The following TCFL5 variants were observed in gnomAD, a reference collection of about 807,000 sequenced individuals.
The protein encoded by TCFL5 is transcription factor-like 5 protein.
A neutral mutation model predicts 44.3 loss-of-function variants in TCFL5; 9 were observed. The observed-to-expected ratio is 0.20, with a 90% CI of 0.12 to 0.35. TCFL5 has a LOEUF of 0.35. Among genes scored for constraint, TCFL5 ranks in the 10% least tolerant of loss-of-function variants. The pLI, the probability that TCFL5 is intolerant of heterozygous loss-of-function variation, is 1.00. For synonymous variants in TCFL5, 319 were observed against 271.6 expected (o/e 1.17, Z -1.72); for missense variants, 603 against 613.4 (o/e 0.98, Z 0.18).
At position 62,860,086 on chromosome 20, in the gene TCFL5, A is replaced by C. The variant is rs758497384; in HGVS notation, c.831+39T>G. 3 of 1,566,054 alleles carry C rather than the reference A, an allele frequency of 1.9e-6. No homozygotes were observed. In the Admixed American group the frequency reaches 5.3e-5, roughly 28 times the overall value. ...AAAATAAGTTAAAATTTACCCATTT[A>C]ATACAAAAGAGCAAAGCTTCACAAA... On this transcript the variant is annotated intron_variant, in intron 2 of 5. Transcript: ENST00000335351.
intron 5 of TCFL5, among the ~76,000 whole-genome samples, 156 bp downstream of exon 5, chr20:62,853,860 T>C (rs1229071474): frequency 6.6e-6 from 1 of 152,228 alleles, no homozygotes; most frequent in African/African-American, 2.4e-5. Context: ...TGACAAGTTA[T>C]ATCATTAAAG....
At chr20:62,845,345 A>T (rs2063727361) in intron 5 of TCFL5, 2 of 1,088,530 alleles carry the variant, frequency 1.8e-6, no homozygotes, top group Admixed American at 4.6e-5. Flanking sequence ...CTGGTCTCGA[A>T]CTCCTGACCT....
intron 5 of TCFL5, chr20:62,846,175 A>C: frequency 8.9e-7 from 1 of 1,121,136 alleles, no homozygotes; most frequent in Non-Finnish European, 1.2e-6. Context: ...TAATTTAAAA[A>C]AAAAGAAGGA....
chr20:62,859,035 T>C (rs1437970421), intron 3 of TCFL5, among the ~76,000 whole-genome samples: 1 of 152,216 alleles, frequency 6.6e-6, no homozygotes, highest in African/African-American at 2.4e-5. Flanking sequence ...TCATCGAGTA[T>C]AACATAAGGA....
intron 2 of TCFL5, among the ~76,000 whole-genome samples, chr20:62,859,738 T>TTG (rs2063959639): frequency 6.6e-6 from 1 of 151,380 alleles, no homozygotes; most frequent in Non-Finnish European, 1.5e-5. Flanking sequence ...TTTTTTTTTT[T>TTG]GAGACAGGCT....
chr20:62,846,036 G>A, intron 5 of TCFL5: 1 of 1,355,568 alleles, frequency 7.4e-7, no homozygotes, highest in South Asian at 1.2e-5. Flanking sequence ...TAGGCGTGTT[G>A]TGGATTCTTT....
At chr20:62,853,406 G>A (rs1242721851) in intron 5 of TCFL5, among the ~76,000 whole-genome samples, 1 of 152,016 alleles carries the variant, frequency 6.6e-6, no homozygotes, top group Non-Finnish European at 1.5e-5. Flanking sequence ...GAGTGCAGTG[G>A]TATGATCTCA....
Position 62,841,189 on chromosome 20 carries a change from AACTC to A in TCFL5, c.*782_*785del, listed in dbSNP as rs1192607826. On this transcript the variant is annotated 3_prime_UTR_variant, in exon 6 of 6. Transcript: ENST00000335351. ...GGTCTAGTCTGATGTTTTGTGTACA[AACTC>A]ACATCTCCAATTAACAGTATTTATT... The A allele has an allele frequency of 3.1e-5, 5 of 162,390 alleles. No individual in the cohort carries two copies. The highest frequency in any genetic ancestry group is 1.2e-4 in the Admixed American group (2 of 17,188). The allele number at this position is 162,390 out of a possible 1,614,324, so 10.1% of individuals were successfully genotyped here.
chr20:62,861,416 C>T lies in TCFL5; in HGVS notation c.255G>A (p.Ala85=), dbSNP rs1487272628. 3 of 1,127,196 alleles carry T rather than the reference C, an allele frequency of 2.7e-6. No homozygotes were observed. The highest frequency in any genetic ancestry group is 1.1e-4 in the East Asian group (2 of 18,652). The allele number at this position is 1,127,196 out of a possible 1,614,324, so 69.8% of individuals were successfully genotyped here. Residue 85 remains alanine (A), a synonymous_variant, in exon 1 of 6, where the codon GCG becomes GCA. Coordinates refer to ENST00000335351, the MANE Select transcript of TCFL5 (RefSeq NM_006602.4). This position sits in a 1 kb window ranked among gnomAD's most constrained non-coding sequence, Gnocchi z 4.0. ...TRLNSALLAA[A]GPGAGAGGFA... is the part of the protein sequence containing the mutation. ...AGCCGCCCGCGCCTGCGCCCGGGCC[C>T]GCCGCCGCCAGCAGCGCCGAGTTGA...
chr20:62,849,859 G>A (rs1487135114), intron 5 of TCFL5, among the ~76,000 whole-genome samples: 2 of 152,086 alleles, frequency 1.3e-5, no homozygotes, highest in African/African-American at 4.8e-5. Context: ...GGAGGCTGAG[G>A]CAAGAGGATT....
At chr20:62,855,449 G>C (rs889074239) in intron 4 of TCFL5, among the ~76,000 whole-genome samples, 1 of 152,206 alleles carries the variant, frequency 6.6e-6, no homozygotes, top group Non-Finnish European at 1.5e-5. Context: ...CCCTGCCCCA[G>C]CAAGTTTGAA....
chr20:62,848,563 C>T (rs2063771908), intron 5 of TCFL5, among the ~76,000 whole-genome samples: 1 of 151,980 alleles, frequency 6.6e-6, no homozygotes, highest in Non-Finnish European at 1.5e-5. Context: ...CATGGCGAAA[C>T]ACTGTCTCTA....
At chr20:62,860,837 C>G (rs760944283) in intron 1 of TCFL5, among the ~76,000 whole-genome samples, 187 bp downstream of exon 1, 1 of 152,156 alleles carries the variant, frequency 6.6e-6, no homozygotes, top group African/African-American at 2.4e-5. Context: ...TACCTGCTCC[C>G]CGGGGCCCGC....
Position 62,853,147 on chromosome 20 carries a change from T to C in TCFL5, c.1380+869A>G, listed in dbSNP as rs66956644. ...AGAAGTACAGTCACCCGGTCCACAG[T>C]ATAGTCACCCAGTCCACAAAAGTAT... On this transcript the variant is annotated intron_variant, in intron 5 of 5. Transcript: ENST00000335351. 6.3e-3 allele frequency among the ~76,000 whole-genome samples: 796 copies of C among 127,136 alleles called. 3 individuals are homozygous for C. The highest frequency in any genetic ancestry group is 0.013 in the African/African-American group (401 of 31,572). 83.4% of individuals were successfully genotyped at this position (127,136 alleles called of 152,430 possible). A position where few individuals can be genotyped will look rare whatever the true frequency, so the allele number is the denominator to read the frequency against.
At chr20:62,855,894 C>T (rs2063880932) in intron 4 of TCFL5, among the ~76,000 whole-genome samples, 1 of 152,148 alleles carries the variant, frequency 6.6e-6, no homozygotes, top group African/African-American at 2.4e-5. Flanking sequence ...AACTGGTACA[C>T]AGTACCAGTA....
rs763174006 is a variant in TCFL5, at chr20:62,841,941, C to T, written c.*34G>A. On this transcript the variant is annotated 3_prime_UTR_variant, in exon 6 of 6. Coordinates refer to ENST00000335351, the MANE Select transcript of TCFL5 (RefSeq NM_006602.4). Reference sequence around the variant, plus strand: ...GCGTGCACAGGTCACGAAGGAATGGCTGTTCACCCCCCGAGGATTCCTGTT... The same window carrying T: ...GCGTGCACAGGTCACGAAGGAATGGTTGTTCACCCCCCGAGGATTCCTGTT... The T allele has an allele frequency of 1.2e-6, 2 of 1,612,096 alleles. No individual in the cohort carries two copies. The highest frequency in any genetic ancestry group is 3.3e-5 in the Admixed American group (2 of 59,750).
intron 5 of TCFL5, chr20:62,852,944 T>TATAGTCACCTAGTCCGCAGAAGC: frequency 1.6e-6 from 2 of 1,288,190 alleles, no homozygotes; most frequent in Admixed American, 4.6e-5. Flanking sequence ...TCCGCAGAAG[T>TATAGTCACCTAGTCCGCAGAAGC]ATAGTCACCT....
Position 62,861,185 on chromosome 20 carries a change from C to T in TCFL5, c.486G>A (p.Ala162=), listed in dbSNP as rs1274943099. 4 of 1,034,482 alleles carry T rather than the reference C, an allele frequency of 3.9e-6. No homozygotes were observed. The highest frequency in any genetic ancestry group is 4.6e-6 in the Non-Finnish European group (4 of 866,260). The allele number at this position is 1,034,482 out of a possible 1,614,324, so 64.1% of individuals were successfully genotyped here. A position where few individuals can be genotyped will look rare whatever the true frequency, so the allele number is the denominator to read the frequency against. The change falls in exon 1 of 6, where the codon GCG becomes GCA. Residue 162 remains alanine, a synonymous_variant. Transcript: ENST00000335351. The surrounding 1 kb of genome is among the most constrained non-coding windows in gnomAD (Gnocchi z 4.0). ...GTCCAGCCGCAGCCGCAGCCGCGCC[C>T]GCGCCCTCCTTGGCGGCGCCGTCGG... ...ARADGAAKEG[A]GAAAAAAGPD... is the part of the protein sequence containing the mutation.
At chr20:62,843,697 C>T (rs780251373) in intron 5 of TCFL5, among the ~76,000 whole-genome samples, 68 of 152,328 alleles carry the variant, frequency 4.5e-4, no homozygotes, top group Non-Finnish European at 6.2e-4. Context: ...GCCGCCACCA[C>T]CTTTTCATCA....
Sources: allele counts gnomAD v4.1 joint callset (sites outside exome capture counted in the v4.1 genomes callset), GRCh38; gene constraint gnomAD v4.1.1; non-coding constraint Gnocchi (gnomAD v3.1); transcripts MANE v1.5; gene names NCBI Gene and HGNC (gene_info 2026-07-23, HGNC 2026-07-21).